The following NCEH1 variants were observed in gnomAD, a reference collection of about 807,000 sequenced individuals.
NCEH1 encodes 2-acetyl MAGE hydrolase.
In NCEH1, 9 loss-of-function variants were observed where a neutral mutation model predicts 25.4. That is an observed-to-expected ratio of 0.35 (90% CI 0.21 to 0.62). NCEH1 has a LOEUF of 0.62. NCEH1 is among the 20% of genes least tolerant of loss of function. NCEH1 has a pLI of 0.72. For missense variants in NCEH1, 412 were observed against 501.1 expected (o/e 0.82, Z 1.70); for synonymous variants, 200 against 199.8 (o/e 1.00, Z -0.01).
chr3:172,676,500 G>C (rs1365628565), intron 1 of NCEH1, among the ~76,000 whole-genome samples: 1 of 152,072 alleles, frequency 6.6e-6, no homozygotes, highest in East Asian at 1.9e-4. Flanking sequence ...TAACATACCT[G>C]GTCAAACCAA....
intron 1 of NCEH1, chr3:172,703,250 T>C (rs481586): frequency 0.49 from 74,033 of 151,412 alleles, 18,675 homozygotes; most frequent in African/African-American, 0.6. Context: ...TATGGCTGGG[T>C]GCAGTGGCTC....
At chr3:172,671,522 C>T (rs1357913396) in intron 1 of NCEH1, among the ~76,000 whole-genome samples, 2 of 148,248 alleles carry the variant, frequency 1.3e-5, no homozygotes, top group Non-Finnish European at 3.0e-5. Flanking sequence ...CACACACACA[C>T]ACACACATAT....
At chr3:172,699,584 G>C (rs547799189) in intron 1 of NCEH1, among the ~76,000 whole-genome samples, 1 of 152,334 alleles carries the variant, frequency 6.6e-6, no homozygotes, top group East Asian at 1.9e-4. Flanking sequence ...ATTGCACTGA[G>C]CTAGGCATGG....
chr3:172,648,327 T>C (rs1717223898), intron 1 of NCEH1, among the ~76,000 whole-genome samples: 1 of 152,150 alleles, frequency 6.6e-6, no homozygotes, highest in Non-Finnish European at 1.5e-5. Flanking sequence ...GTATCATCAG[T>C]CCCATTTTAT....
intron 1 of NCEH1, among the ~76,000 whole-genome samples, chr3:172,661,457 G>T: frequency 6.6e-6 from 1 of 152,302 alleles, no homozygotes; most frequent in South Asian, 2.1e-4. Context: ...GGCAATGCAG[G>T]CTCTTTTTTG....
chr3:172,702,865 G>A lies in NCEH1; in HGVS notation c.138+7982C>T, dbSNP rs573149266. On this transcript the variant is annotated intron_variant, in intron 1 of 4. Coordinates refer to ENST00000475381, the MANE Select transcript of NCEH1 (RefSeq NM_020792.6). The stretch of plus-strand genomic sequence containing the variant: ...AATATAGCCAGGCATGGTGGCACGC[G>A]CCTGTAGTCCCAGCTACTCAAAAGG... 4.6e-5 allele frequency among the ~76,000 whole-genome samples: 7 copies of A among 152,148 alleles called. 1 individual carries two copies. The East Asian group carries it at 7.7e-4, about 17-fold the overall frequency.
intron 1 of NCEH1, among the ~76,000 whole-genome samples, chr3:172,710,634 A>G (rs1351662217): frequency 6.6e-6 from 1 of 152,236 alleles, no homozygotes; most frequent in East Asian, 1.9e-4. Flanking sequence ...CCCCGTCACA[A>G]ACGCAGACGG....
chr3:172,668,217 A>C (rs150468795), intron 1 of NCEH1, among the ~76,000 whole-genome samples: 83 of 152,314 alleles, frequency 5.4e-4, no homozygotes, highest in African/African-American at 2.0e-3. Flanking sequence ...TAATACACCA[A>C]AAGGGAAGAA....
intron 1 of NCEH1, among the ~76,000 whole-genome samples, chr3:172,678,508 T>C (rs1472957674): frequency 2.0e-5 from 3 of 152,224 alleles, no homozygotes; most frequent in Non-Finnish European, 2.9e-5. Context: ...GTTTAGTCTA[T>C]TGAAAGATCC....
chr3:172,633,590 T>G lies in NCEH1; in HGVS notation c.1112A>C (p.Asp371Ala). The G allele has an allele frequency of 1.9e-6, 3 of 1,614,106 alleles. No individual in the cohort carries two copies. Among genetic ancestry groups the G allele is most frequent in the Non-Finnish European group, 2.5e-6 (3 of 1,180,016 alleles). Residue 371 changes from aspartate (D) to alanine (A), a missense_variant, in exon 5 of 5, where the codon GAT becomes GCT. This residue lies in a region of NCEH1 where 210 missense variants were observed against 258.2 expected (regional missense o/e 0.81). Transcript: ENST00000475381. ...LESAGVEVTL[D>A]HFEDGFHGCM... ...TCCGTGAAAGCCATCCTCAAAGTGA[T>G]CCAGGGTCACCTCCACACCGGCACT...
intron 1 of NCEH1, among the ~76,000 whole-genome samples, chr3:172,648,887 C>T (rs922728622): frequency 1.2e-4 from 19 of 152,226 alleles, no homozygotes; most frequent in Admixed American, 7.9e-4. Flanking sequence ...ATTTACCCAC[C>T]AAGCAAAGAC....
rs1469151001 is a variant in NCEH1, at chr3:172,701,625, T to G, written c.138+9222A>C. 1.7e-3 allele frequency among the ~76,000 whole-genome samples: 257 copies of G among 147,594 alleles called. 4 individuals are homozygous for G. The highest frequency in any genetic ancestry group is 6.3e-3 in the African/African-American group (250 of 39,910). On this transcript the variant is annotated intron_variant, in intron 1 of 4. Transcript: ENST00000475381. ...CCACCATGCCCAGCTAGTTTTTTTTTTTTTTTTTTTTTGTATTTTTAGTAG... is the reference window on the plus strand; with the variant it reads ...CCACCATGCCCAGCTAGTTTTTTTTGTTTTTTTTTTTTGTATTTTTAGTAG...
chr3:172,681,924 T>G (rs80294130), intron 1 of NCEH1, among the ~76,000 whole-genome samples: 10,369 of 149,744 alleles, frequency 0.069, 1,187 homozygotes, highest in African/African-American at 0.24. Flanking sequence ...AAAAAAAGAC[T>G]GAACAACACT....
chr3:172,687,668 C>A (rs1712774498), intron 1 of NCEH1, among the ~76,000 whole-genome samples: 1 of 152,170 alleles, frequency 6.6e-6, no homozygotes, highest in African/African-American at 2.4e-5. Flanking sequence ...GCTGCTCAGC[C>A]ACAGGCGATT....
chr3:172,702,918 G>T (rs966023761), intron 1 of NCEH1, among the ~76,000 whole-genome samples: 3 of 152,208 alleles, frequency 2.0e-5, no homozygotes, highest in African/African-American at 4.8e-5. Flanking sequence ...CTTGAGCCCA[G>T]AAGTTCAAGG....
Position 172,647,933 on chromosome 3 carries a change from C to CG in NCEH1, c.319dup (p.Arg107ProfsTer22), listed in dbSNP as rs1560183320. The CG allele has an allele frequency of 6.2e-7, 1 of 1,614,190 alleles. No homozygotes were observed. The highest frequency in any genetic ancestry group is 8.5e-7 in the Non-Finnish European group (1 of 1,180,028). On this transcript the variant is annotated frameshift_variant, in exon 2 of 5. Coordinates refer to ENST00000475381, the MANE Select transcript of NCEH1 (RefSeq NM_020792.6). LOFTEE classifies it high-confidence loss of function. The stretch of plus-strand genomic sequence containing the variant: ...TCCTCCGTGGATATAAACGACGCTG[C>CG]GTTTCAGTGGCTCTTCGGGCTTCGG...
At chr3:172,667,885 C>A (rs1456909761) in intron 1 of NCEH1, among the ~76,000 whole-genome samples, 1 of 152,152 alleles carries the variant, frequency 6.6e-6, no homozygotes, top group Non-Finnish European at 1.5e-5. Context: ...GCTCTTTTAG[C>A]AATCATATTG....
intron 1 of NCEH1, among the ~76,000 whole-genome samples, chr3:172,695,823 A>G (rs532338658): frequency 6.6e-6 from 1 of 152,118 alleles, no homozygotes; most frequent in Non-Finnish European, 1.5e-5. Context: ...GCACACCTGT[A>G]ATCTCAGCTA....
chr3:172,668,889 A>C (rs1718354520), intron 1 of NCEH1, among the ~76,000 whole-genome samples: 1 of 152,138 alleles, frequency 6.6e-6, no homozygotes, highest in Admixed American at 6.5e-5. Flanking sequence ...ATGATGAAAA[A>C]TGTAATGATG....
Sources: gnomAD v4.1 joint callset for allele counts (sites outside exome capture counted in the v4.1 genomes callset) on GRCh38, gnomAD v4.1.1 for gene constraint, gnomAD v4.1.1 regional missense constraint, MANE v1.5 for transcripts, NCBI Gene and HGNC (gene_info 2026-07-23, HGNC 2026-07-21) for gene names.